AGO2: variants seen among roughly 807,000 people sequenced by gnomAD.
The protein encoded by AGO2 is argonaute RISC catalytic component 2.
In AGO2, 5 loss-of-function variants were observed where a neutral mutation model predicts 102.3. The observed-to-expected ratio is 0.05, with a 90% CI of 0.03 to 0.10. The LOEUF is 0.10. Ranked by LOEUF, AGO2 falls within the 10% of genes least tolerant of loss-of-function variation. The pLI is 1.00. For missense variants in AGO2, 541 were observed against 1,183.7 expected (o/e 0.46, Z 7.97); for synonymous variants, 449 against 473.1 (o/e 0.95, Z 0.66).
chr8:140,537,644 T>TA (rs1281525131), intron 16 of AGO2, among the ~76,000 whole-genome samples: 3 of 152,034 alleles, frequency 2.0e-5, no homozygotes, highest in Non-Finnish European at 4.4e-5. Flanking sequence ...CTGGAAACAG[T>TA]ATAATAAGAG....
chr8:140,595,815 A>G (rs1454113641), intron 1 of AGO2, among the ~76,000 whole-genome samples: 49,226 of 83,038 alleles, frequency 0.59, 11,717 homozygotes, highest in Non-Finnish European at 0.64. Flanking sequence ...AATTGTATAT[A>G]TTATATTTAT....
At chr8:140,600,267 G>T (rs187040316) in intron 1 of AGO2, among the ~76,000 whole-genome samples, 263 of 152,386 alleles carry the variant, frequency 1.7e-3, no homozygotes, top group African/African-American at 5.8e-3. Context: ...CTACTCGAAA[G>T]ATGTGTCCTT....
chr8:140,622,193 G>A (rs928396315), intron 1 of AGO2, among the ~76,000 whole-genome samples: 4 of 152,242 alleles, frequency 2.6e-5, no homozygotes, highest in East Asian at 1.9e-4. Flanking sequence ...TCAATCCAGT[G>A]AGACGGAACG....
chr8:140,577,100 C>T lies in AGO2; in HGVS notation c.216-4168G>A, dbSNP rs570008900. On this transcript the variant is annotated intron_variant, in intron 2 of 18. Coordinates refer to ENST00000220592, the MANE Select transcript of AGO2 (RefSeq NM_012154.5). The stretch of plus-strand genomic sequence containing the variant: ...GCGGGCACCTGTAGTCCCAGCTACT[C>T]GGGAGGCTGAGGCACGAGAATGGCG... 1.5e-4 allele frequency among the ~76,000 whole-genome samples: 23 copies of T among 149,528 alleles called. No individual in the cohort carries two copies. In the South Asian group the frequency reaches 3.7e-3, roughly 24 times the overall value.
intron 1 of AGO2, among the ~76,000 whole-genome samples, chr8:140,614,122 C>G (rs1363982888): frequency 6.7e-6 from 1 of 150,026 alleles, no homozygotes; most frequent in East Asian, 2.0e-4. Context: ...GTCAGGAGTT[C>G]AAGACCATCC....
At chr8:140,597,244 C>A (rs1292572642) in intron 1 of AGO2, among the ~76,000 whole-genome samples, 1 of 152,188 alleles carries the variant, frequency 6.6e-6, no homozygotes, top group African/African-American at 2.4e-5. Context: ...GCAGGAAAAC[C>A]GCCTCATTTA....
chr8:140,550,680 G>T (rs2072979836), intron 11 of AGO2, among the ~76,000 whole-genome samples: 1 of 152,164 alleles, frequency 6.6e-6, no homozygotes, highest in South Asian at 2.1e-4. Flanking sequence ...GCAATGGTGT[G>T]ATCTAGGCTC....
At position 140,520,955 on chromosome 8, in the gene AGO2, C is replaced by CTA. The variant is rs2072408309; in HGVS notation, c.*11087_*11088dup. The CTA allele has an allele frequency of 6.6e-6, 1 of 152,048 alleles. No homozygotes were observed. The highest frequency in any genetic ancestry group is 2.4e-5 in the African/African-American group (1 of 41,386). The allele number at this position is 152,048 out of a possible 1,614,324, so 9.4% of individuals were successfully genotyped here. On this transcript the variant is annotated 3_prime_UTR_variant, in exon 19 of 19. Transcript: ENST00000220592. Reference sequence around the variant, plus strand: ...TTTAAATTTTTATTTTTTAAGGATACTATATCCCTACAAGAGTAATTTTTA... The same window carrying CTA: ...TTTAAATTTTTATTTTTTAAGGATACTATATATCCCTACAAGAGTAATTTTTA...
At chr8:140,635,050 G>A (rs1289178979) in intron 1 of AGO2, among the ~76,000 whole-genome samples, 3 of 149,500 alleles carry the variant, frequency 2.0e-5, no homozygotes, top group Non-Finnish European at 4.5e-5. Flanking sequence ...AGGCCGGGCC[G>A]GGCTGCGGCG....
At position 140,535,582 on chromosome 8, in the gene AGO2, A is replaced by G. The variant is rs779522165; in HGVS notation, c.2170-13T>C. ...CACTTTTCCCAACCTTCGGCAACAC[A>G]GGCATCTCGTTAGACACGGCCAGGG... is the stretch of plus-strand genomic sequence containing the variant. On this transcript the variant is annotated splice_polypyrimidine_tract_variant and intron_variant, in intron 16 of 18. Transcript: ENST00000220592. 2 of 1,613,866 alleles carry G rather than the reference A, an allele frequency of 1.2e-6. No individual in the cohort carries two copies. The highest frequency in any genetic ancestry group is 2.2e-5 in the South Asian group (2 of 91,086).
chr8:140,609,571 A>G (rs924887656), intron 1 of AGO2, among the ~76,000 whole-genome samples: 5 of 152,020 alleles, frequency 3.3e-5, no homozygotes, highest in Non-Finnish European at 5.9e-5. Flanking sequence ...CTGCCATCTC[A>G]ATGAGGCCTC....
chr8:140,557,080 GTGA>G lies in AGO2; in HGVS notation c.1026+6_1026+8del. On this transcript the variant is annotated splice_donor_region_variant and intron_variant, in intron 8 of 18. Transcript: ENST00000220592. The surrounding 1 kb of genome is among the most constrained non-coding windows in gnomAD (Gnocchi z 5.9). ...GCCCCCAGAGACACACAGGAAGAGG[GTGA>G]CTTGCCTCCAGGGGAAGGTAGGTGT... is the stretch of plus-strand genomic sequence containing the variant. The G allele has an allele frequency of 1.2e-6, 2 of 1,610,758 alleles. No individual in the cohort carries two copies. Among genetic ancestry groups the G allele is most frequent in the South Asian group, 2.2e-5 (2 of 90,564 alleles).
intron 2 of AGO2, among the ~76,000 whole-genome samples, 158 bp from the exon 3 acceptor site, chr8:140,573,090 A>G (rs565607483): frequency 6.6e-6 from 1 of 151,016 alleles, no homozygotes; most frequent in Non-Finnish European, 1.5e-5. Flanking sequence ...GCTCACTGCA[A>G]CCTCTGCCTC....
chr8:140,615,681 C>T (rs1172416463), intron 1 of AGO2, among the ~76,000 whole-genome samples: 3 of 152,260 alleles, frequency 2.0e-5, no homozygotes, highest in African/African-American at 7.2e-5. Context: ...AAACTTTTAC[C>T]ACGCTCAAGG....
In AGO2 at chr8:140,528,844, A is replaced by T. The variant is rs1220480645; in HGVS notation, c.*3200T>A. 1.3e-5 allele frequency: 2 copies of T among 152,192 alleles called. No homozygotes were observed. The highest frequency in any genetic ancestry group is 2.9e-5 in the Non-Finnish European group (2 of 68,028). The allele number at this position is 152,192 out of a possible 1,614,324, so 9.4% of individuals were successfully genotyped here. On this transcript the variant is annotated 3_prime_UTR_variant, in exon 19 of 19. Transcript: ENST00000220592. This position sits in a 1 kb window ranked among gnomAD's most constrained non-coding sequence, Gnocchi z 4.5. Reference sequence around the variant, plus strand: ...CTTTGCGTCACCGAAGGGCTCACACACGAGGGCAGCTTTCCACCGCTCCCC... The same window carrying T: ...CTTTGCGTCACCGAAGGGCTCACACTCGAGGGCAGCTTTCCACCGCTCCCC...
At chr8:140,576,267 T>C (rs759997737) in intron 2 of AGO2, among the ~76,000 whole-genome samples, 9 of 152,168 alleles carry the variant, frequency 5.9e-5, no homozygotes, top group East Asian at 3.8e-4. Flanking sequence ...TGAGCCGAGA[T>C]TGTGCCACTG....
intron 1 of AGO2, among the ~76,000 whole-genome samples, chr8:140,609,951 T>G (rs1588504108): frequency 7.2e-6 from 1 of 139,082 alleles, no homozygotes; most frequent in South Asian, 2.3e-4. Context: ...CCCAGCACGG[T>G]GGGAGCCCAA....
At chr8:140,641,676 C>T in the AGO2 span, among the ~76,000 whole-genome samples, 4 of 152,192 alleles carry the variant, frequency 2.6e-5, no homozygotes, top group South Asian at 2.1e-4. Flanking sequence ...CTCCGCCTCC[C>T]GGGTTTGAGC....
chr8:140,551,843 G>A (rs969956364), intron 10 of AGO2, among the ~76,000 whole-genome samples: 1 of 152,042 alleles, frequency 6.6e-6, no homozygotes, highest in Non-Finnish European at 1.5e-5. Context: ...GGTGCATAAG[G>A]TGAATGGGTA....
Sources: allele counts gnomAD v4.1 joint callset (sites outside exome capture counted in the v4.1 genomes callset), GRCh38; gene constraint gnomAD v4.1.1; non-coding constraint Gnocchi (gnomAD v3.1); transcripts MANE v1.5; gene names NCBI Gene and HGNC (gene_info 2026-07-23, HGNC 2026-07-21).